Variants in PDK1 observed in about 807,000 individuals in gnomAD.
PDK1 encodes the protein [Pyruvate dehydrogenase (acetyl-transferring)] kinase isozyme 1, mitochondrial.
Under a neutral mutation model 54.2 loss-of-function variants are expected in PDK1, and 39 were observed. The observed-to-expected ratio is 0.72, with a 90% confidence interval of 0.56 to 0.94. The LOEUF (loss-of-function observed/expected upper bound fraction) is 0.94, where lower values mean the gene tolerates loss of function less well. Among genes scored for constraint, PDK1 ranks in the 40% least tolerant of loss-of-function variants. PDK1 has a pLI of 0.00. For missense variants in PDK1, 552 were observed against 566.0 expected (o/e 0.98, Z 0.25); for synonymous variants, 221 against 207.1 (o/e 1.07, Z -0.58).
At chr2:172,630,349 A>G in the PDK1 span, among the ~76,000 whole-genome samples, 1 of 152,142 alleles carries the variant, frequency 6.6e-6, no homozygotes, top group Non-Finnish European at 1.5e-5. Context: ...ACTGCTCCAT[A>G]TGGTAACCAC....
chr2:172,630,285 T>C, the PDK1 span, among the ~76,000 whole-genome samples: 4 of 152,364 alleles, frequency 2.6e-5, no homozygotes, highest in East Asian at 5.8e-4. Flanking sequence ...TTGGACAATC[T>C]TGTATTTTTT....
At chr2:172,593,184 C>T (rs1294468526) in intron 10 of PDK1, 136 bp downstream of exon 10, 14 of 470,804 alleles carry the variant, frequency 3.0e-5, no homozygotes, top group Non-Finnish European at 5.4e-5. Flanking sequence ...CTGGGGATCT[C>T]ACCCATTTTG....
At chr2:172,571,932 A>G (rs1054079322) in intron 8 of PDK1, among the ~76,000 whole-genome samples, 5 of 147,632 alleles carry the variant, frequency 3.4e-5, no homozygotes, top group Non-Finnish European at 7.4e-5. Flanking sequence ...CCTGAGTTCA[A>G]GTGATTCACC....
At position 172,603,016 on chromosome 2, in the gene PDK1, T is replaced by A. The variant is rs1691165231; in HGVS notation, c.*7047T>A. ...AGTAAGGTTAAATCTTTGTAAGCAATGCTCCTGATGCGAATCACCTGGAGA... is the reference window on the plus strand; with the variant it reads ...AGTAAGGTTAAATCTTTGTAAGCAAAGCTCCTGATGCGAATCACCTGGAGA... On this transcript the variant is annotated 3_prime_UTR_variant, in exon 11 of 11. Coordinates refer to ENST00000282077, the MANE Select transcript of PDK1 (RefSeq NM_002610.5). 1.3e-5 allele frequency: 2 copies of A among 152,242 alleles called. No individual in the cohort carries two copies. Among genetic ancestry groups the A allele is most frequent in the South Asian group, 4.1e-4 (2 of 4,828 alleles). The allele number at this position is 152,242 out of a possible 1,614,324, so 9.4% of individuals were successfully genotyped here.
At chr2:172,586,469 C>T (rs577128472) in intron 9 of PDK1, 81 bp downstream of exon 9, 103 of 799,182 alleles carry the variant, frequency 1.3e-4, no homozygotes, top group South Asian at 1.2e-3. Context: ...TAAGTTAAGC[C>T]GTCATGTAGG....
chr2:172,557,872 A>G (rs777559447), intron 1 of PDK1, among the ~76,000 whole-genome samples: 4 of 152,064 alleles, frequency 2.6e-5, no homozygotes, highest in Non-Finnish European at 5.9e-5. Context: ...CTTTCTTTTG[A>G]GACAGGGTTT....
chr2:172,707,285 G>A, the PDK1 span, among the ~76,000 whole-genome samples: 2 of 152,206 alleles, frequency 1.3e-5, no homozygotes, highest in East Asian at 1.9e-4. Context: ...GCGGGAGGAA[G>A]GTTGGGGCAC....
At chr2:172,556,464 C>T (rs2149171453) in intron 1 of PDK1, 118 bp downstream of exon 1, 4 of 668,318 alleles carry the variant, frequency 6.0e-6, no homozygotes, top group East Asian at 6.9e-5. Flanking sequence ...CCCTCCTCCT[C>T]AGCGTTTCCG....
chr2:172,698,734 A>G, the PDK1 span, among the ~76,000 whole-genome samples: 1 of 152,234 alleles, frequency 6.6e-6, no homozygotes, highest in African/African-American at 2.4e-5. Flanking sequence ...CTACTGTTTT[A>G]GGCAATGGTC....
the PDK1 span, among the ~76,000 whole-genome samples, chr2:172,683,171 C>T: frequency 6.6e-6 from 1 of 151,896 alleles, no homozygotes; most frequent in Non-Finnish European, 1.5e-5. Context: ...ACAGTGAAAC[C>T]CTGTCTCTAC....
intron 6 of PDK1, among the ~76,000 whole-genome samples, chr2:172,568,489 G>A (rs961555117): frequency 6.6e-6 from 1 of 152,030 alleles, no homozygotes; most frequent in Non-Finnish European, 1.5e-5. Flanking sequence ...GAGAAAAATG[G>A]GCGCATGGGT....
At chr2:172,707,549 TG>T in the PDK1 span, among the ~76,000 whole-genome samples, 2 of 152,334 alleles carry the variant, frequency 1.3e-5, no homozygotes, top group East Asian at 3.9e-4. Context: ...GCTCCAGGTC[TG>T]GGATATACAA....
At chr2:172,702,105 T>C in the PDK1 span, among the ~76,000 whole-genome samples, 3 of 152,324 alleles carry the variant, frequency 2.0e-5, no homozygotes, top group Non-Finnish European at 4.4e-5. Context: ...AGTGAAGGAC[T>C]GGGATGACTC....
the PDK1 span, among the ~76,000 whole-genome samples, chr2:172,710,783 C>G: frequency 6.6e-6 from 1 of 152,238 alleles, no homozygotes; most frequent in Admixed American, 6.5e-5. Flanking sequence ...AGCTCTACCC[C>G]TTTGCTGCCA....
At chr2:172,623,968 C>T in the PDK1 span, among the ~76,000 whole-genome samples, 3,059 of 152,222 alleles carry the variant, frequency 0.02, 93 homozygotes, top group African/African-American at 0.068. Context: ...TTGGTGATGG[C>T]TGTTGTTTTT....
chr2:172,710,212 C>T, the PDK1 span, among the ~76,000 whole-genome samples: 1 of 152,144 alleles, frequency 6.6e-6, no homozygotes, highest in Non-Finnish European at 1.5e-5. Context: ...AGATACTTCA[C>T]CACATCCAAA....
chr2:172,626,768 A>G, the PDK1 span, among the ~76,000 whole-genome samples: 2 of 152,118 alleles, frequency 1.3e-5, no homozygotes, highest in African/African-American at 4.8e-5. Context: ...ACTTAAAAAA[A>G]AAAAGAAAAG....
the PDK1 span, among the ~76,000 whole-genome samples, chr2:172,679,488 T>C: frequency 1.3e-5 from 2 of 152,160 alleles, no homozygotes; most frequent in East Asian, 3.9e-4. Context: ...TTATTTTTCA[T>C]TGTTATTTGA....
intron 8 of PDK1, among the ~76,000 whole-genome samples, chr2:172,572,491 A>G (rs1689336265): frequency 6.6e-6 from 1 of 152,138 alleles, no homozygotes; most frequent in African/African-American, 2.4e-5. Flanking sequence ...TTGGGAGGCC[A>G]AGTTGGGCAG....
Sources: allele counts gnomAD v4.1 joint callset (sites outside exome capture counted in the v4.1 genomes callset), GRCh38; gene constraint gnomAD v4.1.1; transcripts MANE v1.5; gene names NCBI Gene and HGNC (gene_info 2026-07-23, HGNC 2026-07-21).